The following TRIM44 variants were observed in gnomAD, a reference collection of about 807,000 sequenced individuals.
TRIM44 encodes tripartite motif containing 44.
A neutral mutation model predicts 37.4 loss-of-function variants in TRIM44; 13 were observed. That is an observed-to-expected ratio of 0.35 (90% CI 0.23 to 0.55). The LOEUF (loss-of-function observed/expected upper bound fraction) is 0.55. Among genes scored for constraint, TRIM44 ranks in the 20% least tolerant of loss-of-function variants. The pLI, the probability that TRIM44 is intolerant of heterozygous loss-of-function variation, is 0.89. For synonymous variants in TRIM44, 175 were observed against 157.2 expected, an observed-to-expected ratio of 1.11 and a Z score of -0.85; for missense variants, 426 against 437.2, an observed-to-expected ratio of 0.97 and a Z score of 0.23.
At chr11:35,777,520 C>T (rs1451189729) in intron 4 of TRIM44, among the ~76,000 whole-genome samples, 6 of 152,062 alleles carry the variant, frequency 3.9e-5, no homozygotes, top group African/African-American at 7.2e-5. Flanking sequence ...TTATTTTGCT[C>T]GTTAGTTGAT....
At chr11:35,669,104 T>A (rs911405379) in intron 1 of TRIM44, among the ~76,000 whole-genome samples, 3 of 152,220 alleles carry the variant, frequency 2.0e-5, no homozygotes, top group African/African-American at 7.2e-5. Context: ...TGTAGCTGTG[T>A]AGCTTCTCAT....
intron 4 of TRIM44, among the ~76,000 whole-genome samples, chr11:35,796,304 ATCTC>A (rs1355640081): frequency 6.6e-6 from 1 of 152,232 alleles, no homozygotes; most frequent in African/African-American, 2.4e-5. Context: ...TACAGCGTGA[ATCTC>A]TATTCAGACA....
At chr11:35,685,084 A>G (rs1737781131) in intron 1 of TRIM44, among the ~76,000 whole-genome samples, 175 bp from the exon 2 acceptor site, 1 of 152,168 alleles carries the variant, frequency 6.6e-6, no homozygotes, top group Non-Finnish European at 1.5e-5. Flanking sequence ...TTATGTCCTG[A>G]CACTCTTTGT....
At chr11:35,761,315 C>G (rs1852722926) in intron 4 of TRIM44, among the ~76,000 whole-genome samples, 1 of 152,180 alleles carries the variant, frequency 6.6e-6, no homozygotes, top group African/African-American at 2.4e-5. Flanking sequence ...CCTTCAAGCT[C>G]CCGAATGGCA....
intron 4 of TRIM44, among the ~76,000 whole-genome samples, chr11:35,754,516 T>G (rs1474462743): frequency 6.6e-6 from 1 of 152,208 alleles, no homozygotes; most frequent in African/African-American, 2.4e-5. Context: ...TTTATTTTTT[T>G]TATTATACTT....
chr11:35,804,665 G>C (rs1853424921), intron 4 of TRIM44, among the ~76,000 whole-genome samples: 2 of 152,180 alleles, frequency 1.3e-5, no homozygotes, highest in Non-Finnish European at 2.9e-5. Flanking sequence ...TTTCATAAAA[G>C]ACCCTGTGTT....
intron 3 of TRIM44, among the ~76,000 whole-genome samples, chr11:35,728,886 A>G (rs1953905279): frequency 6.6e-6 from 1 of 152,090 alleles, no homozygotes; most frequent in Admixed American, 6.6e-5. Flanking sequence ...TCACTGATCT[A>G]TTTTATTTTT....
At chr11:35,741,813 C>T (rs755460348) in intron 4 of TRIM44, among the ~76,000 whole-genome samples, 26 of 152,190 alleles carry the variant, frequency 1.7e-4, no homozygotes, top group Non-Finnish European at 2.8e-4. Flanking sequence ...CGCCTAATGC[C>T]AGGCCCTCTG....
chr11:35,679,031 G>A (rs1851496079), intron 1 of TRIM44, among the ~76,000 whole-genome samples: 1 of 151,144 alleles, frequency 6.6e-6, no homozygotes, highest in African/African-American at 2.4e-5. Flanking sequence ...ACAAGCCAAT[G>A]GAATAGGGAG....
chr11:35,672,636 G>A (rs561826226), intron 1 of TRIM44, among the ~76,000 whole-genome samples: 4 of 152,244 alleles, frequency 2.6e-5, no homozygotes, highest in African/African-American at 9.6e-5. Flanking sequence ...GAGGAACATT[G>A]GTGTCTGGGT....
At chr11:35,711,172 A>G (rs562950294) in intron 2 of TRIM44, among the ~76,000 whole-genome samples, 1 of 152,376 alleles carries the variant, frequency 6.6e-6, no homozygotes, top group East Asian at 1.9e-4. Context: ...TGTATACTTT[A>G]AATGGGTAAA....
chr11:35,765,170 A>T (rs1486978526), intron 4 of TRIM44, among the ~76,000 whole-genome samples: 1 of 152,172 alleles, frequency 6.6e-6, no homozygotes, highest in Admixed American at 6.6e-5. Context: ...AATTATTTTC[A>T]GGACCTCTGT....
intron 4 of TRIM44, among the ~76,000 whole-genome samples, chr11:35,739,103 A>G (rs1036601940): frequency 1.3e-5 from 2 of 152,122 alleles, no homozygotes; most frequent in African/African-American, 2.4e-5. Flanking sequence ...GCTTTTAGTC[A>G]TGTCTGTTCC....
intron 4 of TRIM44, among the ~76,000 whole-genome samples, chr11:35,735,982 AG>A (rs1233491173): frequency 6.6e-6 from 1 of 152,160 alleles, no homozygotes; most frequent in Non-Finnish European, 1.5e-5. Flanking sequence ...GCAGTTTAGA[AG>A]TGCATTTTAT....
intron 2 of TRIM44, among the ~76,000 whole-genome samples, chr11:35,714,104 C>T (rs1010383105): frequency 6.6e-6 from 1 of 152,100 alleles, no homozygotes; most frequent in Non-Finnish European, 1.5e-5. Flanking sequence ...GAAATTAGAT[C>T]TAAACTCCCA....
At chr11:35,730,609 C>T (rs1209603751) in intron 3 of TRIM44, among the ~76,000 whole-genome samples, 2 of 152,066 alleles carry the variant, frequency 1.3e-5, no homozygotes, top group Non-Finnish European at 2.9e-5. Flanking sequence ...AGAGAAATGA[C>T]ACATTAGCTC....
chr11:35,797,027 A>G (rs1853301644), intron 4 of TRIM44, among the ~76,000 whole-genome samples: 1 of 152,288 alleles, frequency 6.6e-6, no homozygotes, highest in South Asian at 2.1e-4. Context: ...CTCTAAAACC[A>G]TATCTCTTGT....
chr11:35,753,990 G>A (rs1852590702), intron 4 of TRIM44, among the ~76,000 whole-genome samples: 1 of 151,908 alleles, frequency 6.6e-6, no homozygotes, highest in Admixed American at 6.6e-5. Flanking sequence ...GCTGCAGTGA[G>A]CTGAGACTGC....
chr11:35,780,587 G>A (rs182124169), intron 4 of TRIM44, among the ~76,000 whole-genome samples: 1 of 152,288 alleles, frequency 6.6e-6, no homozygotes, highest in East Asian at 1.9e-4. Context: ...CTGATCCTCT[G>A]AGAAAATTCA....
Sources: gnomAD v4.1 joint callset for allele counts (sites outside exome capture counted in the v4.1 genomes callset) on GRCh38, gnomAD v4.1.1 for gene constraint, MANE v1.5 for transcripts, NCBI Gene and HGNC (gene_info 2026-07-23, HGNC 2026-07-21) for gene names.